Variants in KCNH1 observed in about 807,000 individuals in gnomAD.
KCNH1 encodes voltage-gated delayed rectifier potassium channel KCNH1.
Under a neutral mutation model 69.2 loss-of-function variants are expected in KCNH1, and 27 were observed. The observed-to-expected ratio is 0.39, with a 90% CI of 0.29 to 0.54. The LOEUF is 0.54. Among genes scored for constraint, KCNH1 ranks in the 20% least tolerant of loss-of-function variants. The probability of loss-of-function intolerance (pLI) is 0.68; values close to 1 mark genes in which losing one functional copy is unlikely to be tolerated. For missense variants in KCNH1, 798 were observed against 1,261.6 expected, an observed-to-expected ratio of 0.63 and a Z score of 5.57; for synonymous variants, 456 against 487.7, an observed-to-expected ratio of 0.93 and a Z score of 0.86.
intron 7 of KCNH1, chr1:210,861,350 T>G (rs926980718): frequency 1.3e-6 from 1 of 783,860 alleles, no homozygotes; most frequent in Non-Finnish European, 2.4e-6. Flanking sequence ...CTCGTTGTAC[T>G]GTTATAACAC....
chr1:210,900,686 C>T (rs1422680536), intron 7 of KCNH1, among the ~76,000 whole-genome samples: 1 of 152,198 alleles, frequency 6.6e-6, no homozygotes, highest in East Asian at 1.9e-4. Flanking sequence ...AGAAGAGCCT[C>T]TGCACTGCTC....
At chr1:210,911,068 T>C (rs1307323154) in intron 7 of KCNH1, among the ~76,000 whole-genome samples, 4 of 152,210 alleles carry the variant, frequency 2.6e-5, no homozygotes, top group African/African-American at 9.6e-5. Flanking sequence ...TCTTCCTCCA[T>C]TCATTCTATA....
chr1:210,960,694 A>AT (rs1219268107), intron 6 of KCNH1, among the ~76,000 whole-genome samples: 3 of 152,214 alleles, frequency 2.0e-5, no homozygotes, highest in Non-Finnish European at 4.4e-5. Flanking sequence ...TCCCTTAAAA[A>AT]ATATATAAAG....
chr1:210,709,661 C>T (rs1682003779), intron 10 of KCNH1, among the ~76,000 whole-genome samples: 1 of 149,058 alleles, frequency 6.7e-6, no homozygotes, highest in South Asian at 2.2e-4. Context: ...GGTGGATTGA[C>T]AGATAGACGG....
intron 6 of KCNH1, among the ~76,000 whole-genome samples, chr1:210,990,324 T>C (rs1197670452): frequency 4.6e-5 from 7 of 152,220 alleles, no homozygotes; most frequent in African/African-American, 1.4e-4. Context: ...GATAGATCCA[T>C]GGATCCTTGG....
chr1:211,130,459 C>T (rs1425251949), intron 1 of KCNH1, among the ~76,000 whole-genome samples: 9 of 152,114 alleles, frequency 5.9e-5, no homozygotes, highest in East Asian at 3.9e-4. Flanking sequence ...AACCTTGGAC[C>T]AAGATTCACT....
intron 10 of KCNH1, among the ~76,000 whole-genome samples, chr1:210,692,439 C>T (rs562851954): frequency 4.6e-5 from 7 of 152,254 alleles, no homozygotes; most frequent in South Asian, 2.1e-4. Flanking sequence ...TGCTATCCTC[C>T]GGCATTTCAC....
chr1:210,727,295 A>G (rs1682621935), intron 10 of KCNH1, among the ~76,000 whole-genome samples: 1 of 152,172 alleles, frequency 6.6e-6, no homozygotes, highest in African/African-American at 2.4e-5. Context: ...TAAGTATTTG[A>G]CAGTTCTAAT....
At position 210,686,652 on chromosome 1, in the gene KCNH1, G is replaced by A. The variant is rs573282195; in HGVS notation, c.2113-2514C>T. Among the ~76,000 whole-genome samples, 36 of 152,292 alleles carry A rather than the reference G, an allele frequency of 2.4e-4. 1 individual carries two copies. The South Asian group carries it at 7.5e-3, about 32-fold the overall frequency. On this transcript the variant is annotated intron_variant, in intron 10 of 10. Coordinates refer to ENST00000271751, the MANE Select transcript of KCNH1 (RefSeq NM_172362.3). ...CCCAAGAGAGATGATGGCTTTTAGAGCTCATTGCTCTTTTCCTGCCCTTTA... is the reference window on the plus strand; with the variant it reads ...CCCAAGAGAGATGATGGCTTTTAGAACTCATTGCTCTTTTCCTGCCCTTTA...
intron 3 of KCNH1, among the ~76,000 whole-genome samples, chr1:211,096,485 T>C (rs1306107413): frequency 3.3e-5 from 5 of 152,190 alleles, no homozygotes. Context: ...TCAAACTGTT[T>C]AACAAAACCC....
intron 5 of KCNH1, among the ~76,000 whole-genome samples, chr1:211,078,053 C>G (rs1221943168): frequency 1.3e-5 from 2 of 152,100 alleles, no homozygotes; most frequent in African/African-American, 4.8e-5. Flanking sequence ...GGGATCAATT[C>G]AATAAGAAGA....
At chr1:211,129,963 G>A (rs1366805392) in intron 1 of KCNH1, among the ~76,000 whole-genome samples, 1 of 152,192 alleles carries the variant, frequency 6.6e-6, no homozygotes, top group African/African-American at 2.4e-5. Context: ...TAAAACATAT[G>A]TTCTGCCCAG....
Position 210,683,209 on chromosome 1 carries a change from A to AT in KCNH1, c.*71dup. The AT allele has an allele frequency of 7.0e-7, 1 of 1,426,628 alleles. No homozygotes were observed. The highest frequency in any genetic ancestry group is 9.5e-7 in the Non-Finnish European group (1 of 1,048,206). The allele number at this position is 1,426,628 out of a possible 1,614,324, so 88.4% of individuals were successfully genotyped here. A position where few individuals can be genotyped will look rare whatever the true frequency, so the allele number is the denominator to read the frequency against. On this transcript the variant is annotated 3_prime_UTR_variant, in exon 11 of 11. Transcript: ENST00000271751. This position sits in a 1 kb window ranked among gnomAD's most constrained non-coding sequence, Gnocchi z 5.7. ...CTTGAAAATTGTTGGTCATGTGGAC[A>AT]TATGTGGTAGGGGTGGTGGTGACGG...
At chr1:210,802,228 A>C (rs541153569) in intron 8 of KCNH1, among the ~76,000 whole-genome samples, 1 of 152,370 alleles carries the variant, frequency 6.6e-6, no homozygotes, top group South Asian at 2.1e-4. Context: ...GCAAAACCAA[A>C]GTAATGTTCA....
At chr1:210,932,816 G>A (rs1687700855) in intron 6 of KCNH1, among the ~76,000 whole-genome samples, 1 of 152,122 alleles carries the variant, frequency 6.6e-6, no homozygotes. Context: ...TATAATAACT[G>A]TAAATATATA....
intron 7 of KCNH1, among the ~76,000 whole-genome samples, chr1:210,883,363 G>C (rs906944967): frequency 1.1e-4 from 17 of 152,166 alleles, no homozygotes; most frequent in African/African-American, 4.1e-4. Flanking sequence ...TTGATCACCA[G>C]AGGGACCAGA....
At chr1:211,090,540 T>C in intron 4 of KCNH1, 22 bp downstream of exon 4, 1 of 1,580,486 alleles carries the variant, frequency 6.3e-7, no homozygotes, top group Non-Finnish European at 8.6e-7. Context: ...TAAATGTATT[T>C]GTACAAGTCA....
At chr1:210,835,008 T>C (rs972280641) in intron 7 of KCNH1, among the ~76,000 whole-genome samples, 2 of 152,174 alleles carry the variant, frequency 1.3e-5, no homozygotes, top group Non-Finnish European at 2.9e-5. Context: ...TTTGTTGAGC[T>C]TCTGTATGCG....
chr1:211,110,980 G>T (rs145755293), intron 1 of KCNH1, among the ~76,000 whole-genome samples: 306 of 152,152 alleles, frequency 2.0e-3, no homozygotes, highest in African/African-American at 6.9e-3. Flanking sequence ...GAGGGACAAG[G>T]CATAGAATGG....
Sources: allele counts gnomAD v4.1 joint callset (sites outside exome capture counted in the v4.1 genomes callset), GRCh38; gene constraint gnomAD v4.1.1; non-coding constraint Gnocchi (gnomAD v3.1); transcripts MANE v1.5; gene names NCBI Gene and HGNC (gene_info 2026-07-23, HGNC 2026-07-21).